Variants in USP28 observed in about 807,000 individuals in gnomAD.
USP28 encodes the protein ubiquitin specific peptidase 28.
In USP28, 113 loss-of-function variants were observed where a neutral mutation model predicts 145.0. That is an observed-to-expected ratio of 0.78 (90% CI 0.67 to 0.91). The LOEUF (loss-of-function observed/expected upper bound fraction) is 0.91, where lower values mean the gene tolerates loss of function less well. Ranked by LOEUF, USP28 falls within the 40% of genes least tolerant of loss-of-function variation. The probability of loss-of-function intolerance (pLI) is 0.00; values close to 1 mark genes in which losing one functional copy is unlikely to be tolerated. For synonymous variants in USP28, 447 were observed against 450.9 expected, an observed-to-expected ratio of 0.99 and a Z score of 0.11; for missense variants, 1,201 against 1,289.6, an observed-to-expected ratio of 0.93 and a Z score of 1.05.
At chr11:113,800,743 C>G (rs1362058299) in intron 24 of USP28, among the ~76,000 whole-genome samples, 1 of 152,026 alleles carries the variant, frequency 6.6e-6, no homozygotes, top group Non-Finnish European at 1.5e-5. Flanking sequence ...GGACAGTCCA[C>G]TAATTAATCT....
intron 5 of USP28, among the ~76,000 whole-genome samples, chr11:113,835,852 G>A (rs868609416): frequency 3.9e-5 from 6 of 152,124 alleles, no homozygotes; most frequent in African/African-American, 1.2e-4. Flanking sequence ...AGGCTGAGGC[G>A]GGCAGATCAC....
exon 5 of USP28, chr11:113,840,726 G>T (rs113247986): frequency 1.2e-6 from 2 of 1,614,174 alleles, no homozygotes; most frequent in Non-Finnish European, 1.7e-6. Context: ...CTCTTTGAGC[G>T]TTTAGTTTCT....
chr11:113,812,970 T>A (rs1941222089), intron 15 of USP28, among the ~76,000 whole-genome samples: 1 of 152,218 alleles, frequency 6.6e-6, no homozygotes, highest in South Asian at 2.1e-4. Flanking sequence ...TAGAGTTAAG[T>A]GACCACTTAT....
chr11:113,856,073 G>A (rs970679286), intron 1 of USP28, among the ~76,000 whole-genome samples: 26 of 152,220 alleles, frequency 1.7e-4, no homozygotes, highest in African/African-American at 6.3e-4. Flanking sequence ...CACTGGGAGA[G>A]TGATTATCAT....
chr11:113,830,773 C>A, intron 9 of USP28, 94 bp downstream of exon 9: 1 of 1,207,448 alleles, frequency 8.3e-7, no homozygotes, highest in Non-Finnish European at 1.2e-6. Context: ...ACTGCTGACT[C>A]TCAAGCCTAT....
chr11:113,826,616 C>T (rs1943370716), intron 11 of USP28, among the ~76,000 whole-genome samples: 1 of 151,736 alleles, frequency 6.6e-6, no homozygotes, highest in Non-Finnish European at 1.5e-5. Context: ...CTCAACCAGA[C>T]TTTTATAAAA....
intron 5 of USP28, among the ~76,000 whole-genome samples, chr11:113,836,292 T>A (rs1486719681): frequency 6.6e-6 from 1 of 151,974 alleles, no homozygotes; most frequent in Non-Finnish European, 1.5e-5. Flanking sequence ...AAGTAACAAG[T>A]CCCTTGGCCT....
chr11:113,821,145 T>C (rs1026630595), intron 12 of USP28: 2 of 233,650 alleles, frequency 8.6e-6, no homozygotes, highest in Admixed American at 4.5e-5. Flanking sequence ...TCCACCACCA[T>C]CTTCCCTGTA....
At position 113,854,313 on chromosome 11, in the gene USP28, TG is replaced by T; in HGVS notation, c.79del (p.Gln27AsnfsTer2). 6.2e-7 allele frequency: 1 copy of T among 1,614,114 alleles called. No homozygotes were observed. The highest frequency in any genetic ancestry group is 8.5e-7 in the Non-Finnish European group (1 of 1,179,988). On this transcript the variant is annotated frameshift_variant, in exon 2 of 25. Transcript: ENST00000003302. LOFTEE classifies it high-confidence loss of function. ...CTGAATGCCTGTGATTTCTCTCAGT[TG>T]ATTTAACAGCATTTGGCAGCTCTAT...
intron 13 of USP28, 74 bp from the exon 14 acceptor site, chr11:113,815,456 A>T: frequency 7.2e-7 from 1 of 1,380,988 alleles, no homozygotes; most frequent in Non-Finnish European, 1.0e-6. Context: ...TACTTTGGAA[A>T]GCAAGATGCT....
chr11:113,841,780 A>G lies in USP28; in HGVS notation c.269-12T>C, dbSNP rs754271604. On this transcript the variant is annotated splice_polypyrimidine_tract_variant and intron_variant, in intron 3 of 24. Transcript: ENST00000003302. ...AAGGTCTATAACTTCTGTAAGATAA[A>G]CAGAAATTTAATTAGTCTATATATA... 144 of 1,583,266 alleles carry G rather than the reference A, an allele frequency of 9.1e-5. No homozygotes were observed. The highest frequency in any genetic ancestry group is 1.2e-4 in the Non-Finnish European group (141 of 1,157,712).
chr11:113,865,684 C>A (rs1948184838), intron 1 of USP28, among the ~76,000 whole-genome samples: 1 of 152,132 alleles, frequency 6.6e-6, no homozygotes, highest in Non-Finnish European at 1.5e-5. Context: ...ACACAATACA[C>A]AAAAATTCCT....
intron 3 of USP28, among the ~76,000 whole-genome samples, chr11:113,848,750 A>G (rs1946144118): frequency 6.6e-6 from 1 of 152,208 alleles, no homozygotes; most frequent in African/African-American, 2.4e-5. Context: ...GTAAAACAGA[A>G]GGCATGTAAA....
At chr11:113,856,523 C>T (rs528974413) in intron 1 of USP28, among the ~76,000 whole-genome samples, 1 of 152,224 alleles carries the variant, frequency 6.6e-6, no homozygotes, top group African/African-American at 2.4e-5. Flanking sequence ...TCATAACAGA[C>T]CTATGACATA....
intron 22 of USP28, 84 bp downstream of exon 23, chr11:113,803,714 T>C (rs1939451445): frequency 8.8e-7 from 1 of 1,132,512 alleles, no homozygotes; most frequent in African/African-American, 1.5e-5. Context: ...TATGCATGGC[T>C]GTGACTCTTA....
chr11:113,808,990 G>T, intron 17 of USP28, 73 bp downstream of exon 17: 1 of 1,426,424 alleles, frequency 7.0e-7, no homozygotes, highest in South Asian at 1.4e-5. Context: ...GCCAGCTGAA[G>T]GGTATAGGGC....
At position 113,826,931 on chromosome 11, in the gene USP28, A is replaced by C. The variant is rs865934216; in HGVS notation, c.1187+302T>G. On this transcript the variant is annotated intron_variant, in intron 11 of 24. Coordinates refer to ENST00000003302, the Ensembl canonical transcript of USP28. ...CAAAACTCTGTCTCAAAAAAAAAAAAAAACAAAAATTCTATAATGTAAGTC... is the reference window on the plus strand; with the variant it reads ...CAAAACTCTGTCTCAAAAAAAAAAACAAACAAAAATTCTATAATGTAAGTC... Among the ~76,000 whole-genome samples the C allele has an allele frequency of 3.9e-5, 6 of 151,950 alleles. No homozygotes were observed. In the South Asian group the frequency reaches 6.2e-4, roughly 16 times the overall value.
intron 12 of USP28, among the ~76,000 whole-genome samples, chr11:113,818,660 G>A (rs1345890780): frequency 2.0e-5 from 3 of 152,026 alleles, no homozygotes; most frequent in Admixed American, 6.6e-5. Context: ...AGGAGTTCAA[G>A]ACCAGCCTAG....
At chr11:113,850,056 T>A (rs1382729707) in intron 3 of USP28, among the ~76,000 whole-genome samples, 2 of 152,064 alleles carry the variant, frequency 1.3e-5, no homozygotes, top group South Asian at 2.1e-4. Context: ...GTAAGACCCA[T>A]GAGGGGAAGC....
Sources: gnomAD v4.1 joint callset for allele counts (sites outside exome capture counted in the v4.1 genomes callset) on GRCh38, gnomAD v4.1.1 for gene constraint, MANE v1.5 for transcripts, NCBI Gene and HGNC (gene_info 2026-07-23, HGNC 2026-07-21) for gene names.